FAT3: variants seen among roughly 807,000 people sequenced by gnomAD.
The protein encoded by FAT3 is protocadherin Fat 3.
Under a neutral mutation model 310.2 loss-of-function variants are expected in FAT3, and 95 were observed. The observed-to-expected ratio is 0.31, with a 90% confidence interval of 0.26 to 0.36. The LOEUF (loss-of-function observed/expected upper bound fraction) is 0.36. FAT3 is among the 10% of genes least tolerant of loss of function. The pLI, the probability that FAT3 is intolerant of heterozygous loss-of-function variation, is 1.00. For synonymous variants in FAT3, 2,314 were observed against 2,192.9 expected, an observed-to-expected ratio of 1.06 and a Z score of -1.54; for missense variants, 5,408 against 5,715.6, an observed-to-expected ratio of 0.95 and a Z score of 1.74.
At chr11:92,601,829 T>A (rs1390551407) in intron 3 of FAT3, among the ~76,000 whole-genome samples, 1 of 152,130 alleles carries the variant, frequency 6.6e-6, no homozygotes, top group East Asian at 1.9e-4. Flanking sequence ...CAAGGCTTGA[T>A]TCCCTCTGAA....
chr11:92,304,826 T>C (rs189230521), intron 1 of FAT3, among the ~76,000 whole-genome samples: 1 of 152,098 alleles, frequency 6.6e-6, no homozygotes, highest in African/African-American at 2.4e-5. Context: ...GAGGTCTGGA[T>C]TGTGGACCAT....
At chr11:92,763,766 CTA>C (rs1235814791) in intron 5 of FAT3, among the ~76,000 whole-genome samples, 1 of 152,142 alleles carries the variant, frequency 6.6e-6, no homozygotes, top group African/African-American at 2.4e-5. Context: ...ACCCTGATCT[CTA>C]TTCTCTTTCT....
At chr11:92,752,824 A>G (rs1945865152) in intron 4 of FAT3, among the ~76,000 whole-genome samples, 1 of 152,210 alleles carries the variant, frequency 6.6e-6, no homozygotes, top group Non-Finnish European at 1.5e-5. Context: ...GTTCTGAGTA[A>G]GTTTAATATG....
chr11:92,431,726 A>G (rs147034496), intron 2 of FAT3, among the ~76,000 whole-genome samples: 197 of 151,978 alleles, frequency 1.3e-3, no homozygotes, highest in African/African-American at 4.6e-3. Context: ...AGCTTTCTAC[A>G]TATGGCTAGC....
At position 92,610,763 on chromosome 11, in the gene FAT3, C is replaced by T. The variant is rs182303248; in HGVS notation, c.3607+85815C>T. 5.6e-4 allele frequency among the ~76,000 whole-genome samples: 86 copies of T among 152,278 alleles called. 1 individual carries two copies. Among genetic ancestry groups the T allele is most frequent in the African/African-American group, 2.0e-3 (84 of 41,546 alleles). ...TAGTGTTTTCTTCCCCTCACTCCTA[C>T]AAGCTTCACAGAATAAAGACCATGT... On this transcript the variant is annotated intron_variant, in intron 3 of 27. Transcript: ENST00000525166.
intron 19 of FAT3, among the ~76,000 whole-genome samples, chr11:92,854,343 C>T (rs1299101963): frequency 2.0e-5 from 3 of 152,114 alleles, no homozygotes; most frequent in African/African-American, 7.2e-5. Context: ...ATGCCCAGGT[C>T]CAGAGCTGTG....
intron 22 of FAT3, among the ~76,000 whole-genome samples, chr11:92,879,796 T>C (rs1359530224): frequency 6.6e-6 from 1 of 152,048 alleles, no homozygotes; most frequent in Non-Finnish European, 1.5e-5. Context: ...AGTCAAATAC[T>C]ATGGAAGGAA....
At position 92,844,664 on chromosome 11, in the gene FAT3, C is replaced by T. The variant is rs149582472; in HGVS notation, c.11297C>T (p.Thr3766Ile). 2 of 1,603,354 alleles carry T rather than the reference C, an allele frequency of 1.2e-6. No individual in the cohort carries two copies. Among genetic ancestry groups the T allele is most frequent in the African/African-American group, 1.3e-5 (1 of 74,906 alleles). ...TCACTCGATTCCCACGCGCTCATGA[C>T]CTACAGCACGGCTCGCATCAGCTTT... ...GLSLDSHALM[T>I]YSTARISFVC... The change falls in exon 19 of 28, where the codon ACC (threonine) becomes ATC (isoleucine). Residue 3766 changes from threonine (T) to isoleucine (I), a missense_variant. By Grantham distance (89) the Thr-to-Ile change is moderately conservative (BLOSUM62 -1). Around this residue, in one of 5 missense-constraint regions of FAT3, gnomAD observed 4,588 missense variants for 4,809.8 expected, o/e 0.95. Coordinates refer to ENST00000525166, the MANE Select transcript of FAT3 (RefSeq NM_001367949.2).
intron 3 of FAT3, among the ~76,000 whole-genome samples, chr11:92,633,453 G>A (rs542712528): frequency 1.3e-5 from 2 of 152,262 alleles, no homozygotes; most frequent in East Asian, 1.9e-4. Context: ...GGACGATGAT[G>A]TGAACTTTAC....
intron 1 of FAT3, among the ~76,000 whole-genome samples, chr11:92,279,087 G>T (rs1421139684): frequency 6.6e-6 from 1 of 152,124 alleles, no homozygotes; most frequent in African/African-American, 2.4e-5. Context: ...GTGGGTCCAA[G>T]GAAAAGAAAT....
intron 2 of FAT3, among the ~76,000 whole-genome samples, chr11:92,483,086 G>A (rs1273182618): frequency 1.3e-5 from 2 of 152,172 alleles, no homozygotes; most frequent in Non-Finnish European, 2.9e-5. Context: ...AATAAACTGA[G>A]AGATGTTGGC....
At chr11:92,519,726 C>A (rs1351191106) in intron 2 of FAT3, among the ~76,000 whole-genome samples, 3 of 152,078 alleles carry the variant, frequency 2.0e-5, no homozygotes, top group Admixed American at 2.0e-4. Context: ...CCTACGATAA[C>A]TTCTTTATCT....
intron 3 of FAT3, among the ~76,000 whole-genome samples, chr11:92,581,559 T>G (rs928451287): frequency 3.3e-5 from 5 of 152,070 alleles, no homozygotes; most frequent in African/African-American, 1.2e-4. Flanking sequence ...TATGCACACA[T>G]AGCACCTATG....
At chr11:92,291,162 TGAG>T (rs1002047865) in intron 1 of FAT3, among the ~76,000 whole-genome samples, 10 of 151,534 alleles carry the variant, frequency 6.6e-5, no homozygotes, top group Non-Finnish European at 1.3e-4. Context: ...ATTTTTCAAT[TGAG>T]GACTCTGAGG....
chr11:92,699,628 A>C (rs546649822), intron 4 of FAT3, among the ~76,000 whole-genome samples: 1 of 152,312 alleles, frequency 6.6e-6, no homozygotes, highest in South Asian at 2.1e-4. Flanking sequence ...TTCGAGCATC[A>C]TGTTGGCACT....
chr11:92,225,094 G>A lies in FAT3; in HGVS notation c.-98G>A, dbSNP rs1863845815. On this transcript the variant is annotated 5_prime_UTR_variant, in exon 1 of 28. Coordinates refer to ENST00000525166, the MANE Select transcript of FAT3 (RefSeq NM_001367949.2). ...AGCAGCCGGGGGACCGGCTCGCCCG[G>A]AGCAAGAGCGCCGAGCACCGGGTGA... 6.6e-6 allele frequency among the ~76,000 whole-genome samples: 1 copy of A among 152,168 alleles called. No individual in the cohort carries two copies. Among genetic ancestry groups the A allele is most frequent in the Non-Finnish European group, 1.5e-5 (1 of 68,018 alleles).
At chr11:92,390,245 A>G (rs568661974) in intron 2 of FAT3, among the ~76,000 whole-genome samples, 1 of 152,254 alleles carries the variant, frequency 6.6e-6, no homozygotes, top group East Asian at 1.9e-4. Flanking sequence ...AATCCTCCCA[A>G]GACTAGGATC....
At chr11:92,851,060 A>G (rs1057298756) in intron 19 of FAT3, among the ~76,000 whole-genome samples, 2 of 152,188 alleles carry the variant, frequency 1.3e-5, no homozygotes, top group African/African-American at 4.8e-5. Context: ...CCTGCACCTG[A>G]GATGGAGAAG....
chr11:92,806,440 A>G lies in FAT3; in HGVS notation c.9172A>G (p.Ile3058Val). 2 of 1,582,206 alleles carry G rather than the reference A, an allele frequency of 1.3e-6. No individual in the cohort carries two copies. The highest frequency in any genetic ancestry group is 8.6e-7 in the Non-Finnish European group (1 of 1,161,892). Reference protein sequence around the residue: ...ILKVSAKDADIGSNGYIRYSL... With the variant: ...ILKVSAKDADVGSNGYIRYSL... ...GAAAGTCAGTGCAAAGGATGCTGAT[A>G]TTGGATCCAATGGATATATACGATA... The change falls in exon 12 of 28, where the codon ATT (isoleucine) becomes GTT (valine). Residue 3058 changes from isoleucine to valine, a missense_variant. Around this residue, in one of 5 missense-constraint regions of FAT3, gnomAD observed 4,588 missense variants for 4,809.8 expected, o/e 0.95. Transcript: ENST00000525166.
Sources: gnomAD v4.1 joint callset for allele counts (sites outside exome capture counted in the v4.1 genomes callset) on GRCh38, gnomAD v4.1.1 for gene constraint, gnomAD v4.1.1 regional missense constraint, MANE v1.5 for transcripts, NCBI Gene and HGNC (gene_info 2026-07-23, HGNC 2026-07-21) for gene names.